Variants in PCDHGB1 observed in about 807,000 individuals in gnomAD.
The protein encoded by PCDHGB1 is protocadherin gamma-B1.
PCDHGB1 carries 34 observed loss-of-function variants against 56.6 expected under a neutral mutation model. The ratio of observed to expected loss-of-function variants is 0.60; its 90% CI spans 0.46 to 0.80. The LOEUF (loss-of-function observed/expected upper bound fraction) is 0.80. Ranked by LOEUF, PCDHGB1 falls within the 30% of genes least tolerant of loss-of-function variation. The pLI is 0.00. For missense variants in PCDHGB1, 1,278 were observed against 1,204.6 expected (o/e 1.06, Z -0.90); for synonymous variants, 561 against 505.9 (o/e 1.11, Z -1.46).
chr5:141,351,904 G>T lies in PCDHGB1; in HGVS notation c.1644G>T (p.Val548=), dbSNP rs768629787. 2 of 1,613,416 alleles carry T rather than the reference G, an allele frequency of 1.2e-6. No individual in the cohort carries two copies. Among genetic ancestry groups the T allele is most frequent in the Admixed American group, 3.3e-5 (2 of 60,012 alleles). ...CCAACGTGAGCCTGCGCGTGTTGGT[G>T]GGCGACCTCAATGACAATGCGCCAC... ...LSANVSLRVL[V]GDLNDNAPRV... The change falls in exon 1 of 4, where the codon GTG becomes GTT. Residue 548 remains valine (V), a synonymous_variant. Transcript: ENST00000523390.
intron 1 of PCDHGB1, chr5:141,423,914 A>G (rs2096790099): frequency 3.0e-5 from 38 of 1,268,116 alleles, no homozygotes; most frequent in Non-Finnish European, 3.0e-6. Flanking sequence ...GGGGCCATTC[A>G]ACTATGCTGG....
At chr5:141,423,679 C>T in intron 1 of PCDHGB1, 2 of 1,487,594 alleles carry the variant, frequency 1.3e-6, no homozygotes, top group South Asian at 1.3e-5. Context: ...TATTTCTCTG[C>T]CTCCTAATTG....
In PCDHGB1 at chr5:141,351,618, A is replaced by G; in HGVS notation, c.1358A>G (p.Tyr453Cys). 2 of 1,613,976 alleles carry G rather than the reference A, an allele frequency of 1.2e-6. No individual in the cohort carries two copies. Among genetic ancestry groups the G allele is most frequent in the Middle Eastern group, 1.6e-4 (1 of 6,062 alleles). ...GCACCTGTTTTCCATCAGGCCTCCT[A>G]TGTGGTCCACGTGTCTGAGAACAAC... is the stretch of plus-strand genomic sequence containing the variant. ...DNAPVFHQASYVVHVSENNPP... is the reference protein window; with the variant it reads ...DNAPVFHQASCVVHVSENNPP... Residue 453 changes from tyrosine (Y) to cysteine (C), a missense_variant, in exon 1 of 4, where the codon TAT becomes TGT. Coordinates refer to ENST00000523390, the MANE Select transcript of PCDHGB1 (RefSeq NM_018922.3).
intron 1 of PCDHGB1, chr5:141,399,982 A>C: frequency 6.2e-7 from 1 of 1,612,330 alleles, no homozygotes; most frequent in Non-Finnish European, 8.5e-7. Context: ...GGGGCTGCGC[A>C]CAGGAGAGGT....
Position 141,485,089 on chromosome 5 carries a change from G to A in PCDHGB1, c.2410-9718G>A. The stretch of plus-strand genomic sequence containing the variant: ...GAGCTGGCGCGGGGAAAGGGAGATA[G>A]GTGTCTCCAGCTGCTGTGGCTGTTT... On this transcript the variant is annotated intron_variant, in intron 1 of 3. Coordinates refer to ENST00000523390, the MANE Select transcript of PCDHGB1 (RefSeq NM_018922.3). This position sits in a 1 kb window ranked among gnomAD's most constrained non-coding sequence, Gnocchi z 5.7. 1 of 1,027,236 alleles carries A rather than the reference G, an allele frequency of 9.7e-7. No homozygotes were observed. The highest frequency in any genetic ancestry group is 1.5e-6 in the Non-Finnish European group (1 of 674,564). 63.6% of individuals were successfully genotyped at this position (1,027,236 alleles called of 1,614,324 possible). A position where few individuals can be genotyped will look rare whatever the true frequency, so the allele number is the denominator to read the frequency against.
chr5:141,415,649 A>G (rs1179309556), intron 1 of PCDHGB1: 1 of 1,597,606 alleles, frequency 6.3e-7, no homozygotes, highest in Non-Finnish European at 8.5e-7. Context: ...GTTAAAAAAA[A>G]AAAGATTGGT....
rs764696444 is a variant in PCDHGB1 at position 141,375,374 on chromosome 5, C to A, written c.2409+22705C>A. On this transcript the variant is annotated intron_variant, in intron 1 of 3. Coordinates refer to ENST00000523390, the MANE Select transcript of PCDHGB1 (RefSeq NM_018922.3). Reference sequence around the variant, plus strand: ...GACAGCCACGGACAAAGGAACACCACCTCTGTCTACAGAAACAATCATCTC... The same window carrying A: ...GACAGCCACGGACAAAGGAACACCAACTCTGTCTACAGAAACAATCATCTC... The A allele has an allele frequency of 2.4e-5, 38 of 1,613,952 alleles. No homozygotes were observed. In the South Asian group the frequency reaches 3.6e-4, roughly 15 times the overall value.
intron 1 of PCDHGB1, among the ~76,000 whole-genome samples, chr5:141,369,166 G>C (rs1766070013): frequency 6.6e-6 from 1 of 152,148 alleles, no homozygotes; most frequent in African/African-American, 2.4e-5. Context: ...AGGGAAAAGT[G>C]TAAATAACAA....
intron 1 of PCDHGB1, chr5:141,399,804 G>A (rs1191609127): frequency 2.5e-6 from 4 of 1,613,224 alleles, no homozygotes; most frequent in East Asian, 2.2e-5. Flanking sequence ...CGCGGGTGCT[G>A]TACCCCGCGC....
rs1356739313 is a variant in PCDHGB1, at chr5:141,490,444, A to T, written c.2410-4363A>T. The T allele has an allele frequency of 6.2e-7, 1 of 1,614,194 alleles. No individual in the cohort carries two copies. Among genetic ancestry groups the T allele is most frequent in the Non-Finnish European group, 8.5e-7 (1 of 1,180,034 alleles). On this transcript the variant is annotated intron_variant, in intron 1 of 3. Transcript: ENST00000523390. The surrounding 1 kb of genome is among the most constrained non-coding windows in gnomAD (Gnocchi z 5.4). ...GCCATTTCAGATTAAGCCTTCTGAG[A>T]ACCACTACTCGCTGCTAACCAGCCA...
intron 1 of PCDHGB1, chr5:141,399,021 C>T (rs2093739749): frequency 1.2e-6 from 2 of 1,613,862 alleles, no homozygotes; most frequent in Non-Finnish European, 1.7e-6. Context: ...GAGAAATTAC[C>T]ACTCAAAAGA....
At chr5:141,372,101 C>T (rs984585015) in intron 1 of PCDHGB1, 8 of 1,613,794 alleles carry the variant, frequency 5.0e-6, no homozygotes, top group Middle Eastern at 1.7e-4. Context: ...CTCTGGGGCC[C>T]GAAGGCTCTG....
Position 141,490,683 on chromosome 5 carries a change from A to C in PCDHGB1, c.2410-4124A>C, listed in dbSNP as rs766019662. 6 of 1,614,088 alleles carry C rather than the reference A, an allele frequency of 3.7e-6. No homozygotes were observed. The highest frequency in any genetic ancestry group is 5.1e-6 in the Non-Finnish European group (6 of 1,180,034). On this transcript the variant is annotated intron_variant, in intron 1 of 3. Transcript: ENST00000523390. The surrounding 1 kb of genome is among the most constrained non-coding windows in gnomAD (Gnocchi z 5.4). ...TTTGCACTGTGGCTGCCTCAGATCCAGACACTGGGGATAATGCCCGCCTCA... is the reference window on the plus strand; with the variant it reads ...TTTGCACTGTGGCTGCCTCAGATCCCGACACTGGGGATAATGCCCGCCTCA...
intron 1 of PCDHGB1, chr5:141,384,939 C>T (rs1780682611): frequency 6.2e-7 from 1 of 1,614,018 alleles, no homozygotes; most frequent in Non-Finnish European, 8.5e-7. Context: ...GCCTTGAGCC[C>T]TCCGACGGTC....
intron 1 of PCDHGB1, among the ~76,000 whole-genome samples, chr5:141,462,448 G>A (rs1435453503): frequency 6.6e-6 from 1 of 152,022 alleles, no homozygotes; most frequent in Non-Finnish European, 1.5e-5. Context: ...ACACAACTGT[G>A]TAACTGAAAA....
At chr5:141,497,849 T>G (rs1337258582) in intron 2 of PCDHGB1, among the ~76,000 whole-genome samples, 1 of 152,192 alleles carries the variant, frequency 6.6e-6, no homozygotes, top group African/African-American at 2.4e-5. Flanking sequence ...ACAAACATTT[T>G]TGATTCAGCG....
At chr5:141,368,650 G>GA (rs1765784574) in intron 1 of PCDHGB1, among the ~76,000 whole-genome samples, 1 of 152,076 alleles carries the variant, frequency 6.6e-6, no homozygotes, top group Non-Finnish European at 1.5e-5. Context: ...TTGTGCAATG[G>GA]AAAAATATCT....
Position 141,486,747 on chromosome 5 carries a change from A to G in PCDHGB1, c.2410-8060A>G, listed in dbSNP as rs750666508. The G allele has an allele frequency of 3.1e-6, 5 of 1,614,210 alleles. No homozygotes were observed. The highest frequency in any genetic ancestry group is 4.2e-6 in the Non-Finnish European group (5 of 1,180,034). On this transcript the variant is annotated intron_variant, in intron 1 of 3. Transcript: ENST00000523390. This position sits in a 1 kb window ranked among gnomAD's most constrained non-coding sequence, Gnocchi z 5.0. Reference sequence around the variant, plus strand: ...GTTCATGCTACTCGATCCTTTGACTATGAGCAAACCCAGACACTGCAGTTT... The same window carrying G: ...GTTCATGCTACTCGATCCTTTGACTGTGAGCAAACCCAGACACTGCAGTTT...
intron 1 of PCDHGB1, chr5:141,361,923 A>G (rs1762237619): frequency 6.2e-7 from 1 of 1,607,688 alleles, no homozygotes; most frequent in African/African-American, 1.3e-5. Context: ...CGGTGGACGC[A>G]GACTCAGGAC....
Sources: allele counts gnomAD v4.1 joint callset (sites outside exome capture counted in the v4.1 genomes callset), GRCh38; gene constraint gnomAD v4.1.1; non-coding constraint Gnocchi (gnomAD v3.1); transcripts MANE v1.5; gene names NCBI Gene and HGNC (gene_info 2026-07-23, HGNC 2026-07-21).